Variants in DNAH8 observed in about 807,000 individuals in gnomAD.
DNAH8 encodes the protein axonemal beta dynein heavy chain 8.
DNAH8 carries 382 observed loss-of-function variants against 562.1 expected under a neutral mutation model. The ratio of observed to expected loss-of-function variants is 0.68; its 90% CI spans 0.63 to 0.74. The LOEUF (loss-of-function observed/expected upper bound fraction) is 0.74, where lower values mean the gene tolerates loss of function less well. DNAH8 is among the 30% of genes least tolerant of loss of function. The probability of loss-of-function intolerance (pLI) is 0.00; values close to 1 mark genes in which losing one functional copy is unlikely to be tolerated. For missense variants in DNAH8, 5,203 were observed against 5,620.4 expected (o/e 0.93, Z 2.37); for synonymous variants, 1,881 against 1,919.4 (o/e 0.98, Z 0.52).
chr6:38,848,943 G>T, intron 37 of DNAH8, 142 bp downstream of exon 37: 1 of 710,314 alleles, frequency 1.4e-6, no homozygotes, highest in Non-Finnish European at 2.3e-6. Flanking sequence ...GCCTGTTTTT[G>T]TAAATAAAGT....
intron 26 of DNAH8, 108 bp from the exon 27 acceptor site, chr6:38,822,730 A>G: frequency 2.4e-6 from 2 of 848,166 alleles, no homozygotes. Flanking sequence ...TCTTGGAGGG[A>G]GAATCTTTAA....
rs1554124108 is a variant in DNAH8, at chr6:38,874,038, T to TTTTC, written c.7620+690_7620+693dup. Among the ~76,000 whole-genome samples, 152 of 21,062 alleles carry TTTTC rather than the reference T, an allele frequency of 7.2e-3. 29 individuals are homozygous for TTTTC. Among genetic ancestry groups the TTTTC allele is most frequent in the East Asian group, 0.027 (5 of 182 alleles). 13.8% of individuals were successfully genotyped at this position (21,062 alleles called of 152,430 possible). On this transcript the variant is annotated intron_variant, in intron 52 of 92. Transcript: ENST00000327475. ...CCTCTTTCTTTCCCTTTTTCTTTTCTTTTCTTTCTTTCTTTCTTTCTTTCT... is the reference window on the plus strand; with the variant it reads ...CCTCTTTCTTTCCCTTTTTCTTTTCTTTTCTTTCTTTCTTTCTTTCTTTCTTTCT...
intron 43 of DNAH8, 137 bp downstream of exon 43, chr6:38,860,766 C>T (rs1776559640): frequency 1.9e-6 from 1 of 514,372 alleles, no homozygotes; most frequent in Non-Finnish European, 3.2e-6. Context: ...GTCAGCCTAA[C>T]AATGAAATAA....
intron 82 of DNAH8, among the ~76,000 whole-genome samples, chr6:38,951,887 T>G (rs1761932820): frequency 6.6e-6 from 1 of 152,180 alleles, no homozygotes; most frequent in Non-Finnish European, 1.5e-5. Context: ...TTGTCACAAA[T>G]TAAAAAACTA....
At chr6:38,888,094 C>T (rs930309269) in intron 57 of DNAH8, among the ~76,000 whole-genome samples, 1 of 150,728 alleles carries the variant, frequency 6.6e-6, no homozygotes, top group African/African-American at 2.4e-5. Flanking sequence ...CTGCCTCGGG[C>T]TCCCAAAGTG....
At chr6:38,947,565 T>C (rs1010417517) in intron 80 of DNAH8, among the ~76,000 whole-genome samples, 2 of 152,152 alleles carry the variant, frequency 1.3e-5, no homozygotes, top group African/African-American at 4.8e-5. Context: ...ATCCGCTTTC[T>C]TCCTGTGCCT....
intron 26 of DNAH8, among the ~76,000 whole-genome samples, chr6:38,816,109 G>C (rs1333070401): frequency 6.6e-6 from 1 of 151,640 alleles, no homozygotes; most frequent in Non-Finnish European, 1.5e-5. Flanking sequence ...GGGTACATGT[G>C]CAGGATGTGT....
intron 11 of DNAH8, among the ~76,000 whole-genome samples, chr6:38,762,398 G>C (rs985606501): frequency 6.6e-6 from 1 of 152,100 alleles, no homozygotes; most frequent in African/African-American, 2.4e-5. Context: ...AAATTAAACT[G>C]TCCTAACGTT....
chr6:38,977,614 G>A (rs758530791), intron 85 of DNAH8, among the ~76,000 whole-genome samples: 1 of 151,874 alleles, frequency 6.6e-6, no homozygotes, highest in African/African-American at 2.4e-5. Context: ...CATCGTTCTG[G>A]GCTTGAGAGC....
intron 9 of DNAH8, among the ~76,000 whole-genome samples, chr6:38,752,370 G>A (rs1056011938): frequency 5.3e-5 from 8 of 152,218 alleles, no homozygotes; most frequent in Non-Finnish European, 1.0e-4. Context: ...CGCCACATTG[G>A]CCAGGCTGCT....
At chr6:38,844,959 C>G (rs1268264586) in intron 35 of DNAH8, among the ~76,000 whole-genome samples, 1 of 152,160 alleles carries the variant, frequency 6.6e-6, no homozygotes, top group African/African-American at 2.4e-5. Context: ...GGAAACATCT[C>G]ACACCTTTAA....
intron 15 of DNAH8, 85 bp downstream of exon 15, chr6:38,780,150 CA>C: frequency 7.8e-7 from 1 of 1,281,682 alleles, no homozygotes; most frequent in East Asian, 2.5e-5. Flanking sequence ...TGTCTCATGC[CA>C]AGCTTTTCAG....
Position 38,917,389 on chromosome 6 carries a change from T to G in DNAH8, c.10291T>G (p.Trp3431Gly), listed in dbSNP as rs1277813623. The G allele has an allele frequency of 6.2e-7, 1 of 1,613,096 alleles. No individual in the cohort carries two copies. The highest frequency in any genetic ancestry group is 1.3e-5 in the African/African-American group (1 of 74,896). ...DPEKSCCKPS[W>G]GESLKLMSAT... ...AGAAAAATCTTGCTGTAAGCCATCA[T>G]GGGGAGAGTCATTAAAGGTAAGTAA... Residue 3431 changes from tryptophan (W) to glycine (G), a missense_variant, in exon 69 of 93, where the codon TGG (tryptophan) becomes GGG (glycine). This residue lies in a region of DNAH8 where 87 missense variants were observed against 144.9 expected (regional missense o/e 0.60). Transcript: ENST00000327475.
At chr6:38,789,752 T>C (rs1354594516) in intron 18 of DNAH8, 51 bp from the exon 19 acceptor site, 11 of 1,356,732 alleles carry the variant, frequency 8.1e-6, no homozygotes, top group South Asian at 3.7e-5. Flanking sequence ...AAAATGTGAC[T>C]GCTACTTTAA....
At chr6:38,905,730 C>T (rs970499330) in intron 62 of DNAH8, among the ~76,000 whole-genome samples, 8 of 152,126 alleles carry the variant, frequency 5.3e-5, no homozygotes, top group Admixed American at 2.6e-4. Context: ...TCAGCTTAAA[C>T]GAAATATTTG....
At chr6:38,760,542 A>G (rs1273952840) in intron 10 of DNAH8, among the ~76,000 whole-genome samples, 1 of 152,078 alleles carries the variant, frequency 6.6e-6, no homozygotes, top group Non-Finnish European at 1.5e-5. Flanking sequence ...ATTCCTGAGA[A>G]ACAGTCCTCT....
chr6:38,989,629 T>C (rs763429815), intron 87 of DNAH8, among the ~76,000 whole-genome samples: 1 of 151,988 alleles, frequency 6.6e-6, no homozygotes, highest in Non-Finnish European at 1.5e-5. Context: ...CGGGGAGAAG[T>C]GGGGTGATGA....
At chr6:38,873,783 C>A (rs1777680165) in intron 52 of DNAH8, among the ~76,000 whole-genome samples, 1 of 149,160 alleles carries the variant, frequency 6.7e-6, no homozygotes, top group Non-Finnish European at 1.5e-5. Flanking sequence ...TGCACTCCAG[C>A]TGGGGCGACA....
chr6:38,762,143 A>G (rs1301586261), intron 11 of DNAH8, among the ~76,000 whole-genome samples: 1 of 152,186 alleles, frequency 6.6e-6, no homozygotes, highest in Non-Finnish European at 1.5e-5. Flanking sequence ...TAGACATGGT[A>G]GTAGTTGCCA....
Sources: allele counts gnomAD v4.1 joint callset (sites outside exome capture counted in the v4.1 genomes callset), GRCh38; gene constraint gnomAD v4.1.1; regional missense constraint gnomAD v4.1.1; transcripts MANE v1.5; gene names NCBI Gene and HGNC (gene_info 2026-07-23, HGNC 2026-07-21).